LARGE1: variants seen among roughly 807,000 people sequenced by gnomAD.
LARGE1 encodes the protein LARGE xylosyl- and glucuronyltransferase 1, also known as xylosyl- and glucuronyltransferase LARGE1.
A neutral mutation model predicts 87.6 loss-of-function variants in LARGE1; 43 were observed. That is an observed-to-expected ratio of 0.49 (90% confidence interval 0.38 to 0.63). The LOEUF is 0.63. Among genes scored for constraint, LARGE1 ranks in the 30% least tolerant of loss-of-function variants. The pLI is 0.00. For synonymous variants in LARGE1, 434 were observed against 394.6 expected (o/e 1.10, Z -1.18); for missense variants, 802 against 1,000.2 (o/e 0.80, Z 2.67).
chr22:33,663,398 A>G (rs1428499487), intron 2 of LARGE1, among the ~76,000 whole-genome samples: 2 of 152,188 alleles, frequency 1.3e-5, no homozygotes, highest in Non-Finnish European at 2.9e-5. Flanking sequence ...AAGTAAGAAG[A>G]ATAAAACTAA....
chr22:33,316,465 C>G (rs186316920), intron 10 of LARGE1, among the ~76,000 whole-genome samples: 14 of 152,296 alleles, frequency 9.2e-5, no homozygotes, highest in Admixed American at 8.5e-4. Context: ...TGGGGACCGG[C>G]TGTGGTGGCT....
chr22:33,820,482 C>G (rs543651356), intron 1 of LARGE1, among the ~76,000 whole-genome samples: 1 of 151,710 alleles, frequency 6.6e-6, no homozygotes, highest in Non-Finnish European at 1.5e-5. Flanking sequence ...CCACCATGCC[C>G]GGCTAATTTT....
chr22:33,463,923 C>T (rs1306191129), intron 6 of LARGE1, among the ~76,000 whole-genome samples: 1 of 152,198 alleles, frequency 6.6e-6, no homozygotes, highest in Admixed American at 6.5e-5. Context: ...ATCTGCCCGC[C>T]TTGGCCCCCC....
At chr22:33,878,712 T>A (rs2064563538) in intron 1 of LARGE1, among the ~76,000 whole-genome samples, 1 of 152,184 alleles carries the variant, frequency 6.6e-6, no homozygotes, top group African/African-American at 2.4e-5. Flanking sequence ...CTCATTTACC[T>A]CTACCTCTGA....
intron 6 of LARGE1, among the ~76,000 whole-genome samples, chr22:33,558,543 G>A (rs1416826150): frequency 2.0e-5 from 3 of 152,116 alleles, no homozygotes; most frequent in Non-Finnish European, 2.9e-5. Flanking sequence ...GAGGTCAAGA[G>A]TGGTTCAATG....
intron 1 of LARGE1, among the ~76,000 whole-genome samples, chr22:33,876,703 T>G (rs865976383): frequency 6.6e-6 from 1 of 151,908 alleles, no homozygotes; most frequent in Non-Finnish European, 1.5e-5. Flanking sequence ...ACCTAATGCA[T>G]GCAGGGCTTA....
chr22:33,497,071 CTTTTTT>C (rs5845088), intron 6 of LARGE1, among the ~76,000 whole-genome samples: 1 of 133,960 alleles, frequency 7.5e-6, no homozygotes. Context: ...CTTTTCTTTT[CTTTTTT>C]TTTTTTTTTT....
At chr22:33,552,927 G>A (rs1265499293) in intron 6 of LARGE1, among the ~76,000 whole-genome samples, 1 of 152,114 alleles carries the variant, frequency 6.6e-6, no homozygotes, top group African/African-American at 2.4e-5. Context: ...GAATTGCGAA[G>A]TGCCTGGAAG....
intron 11 of LARGE1, among the ~76,000 whole-genome samples, chr22:33,310,340 A>G (rs917050021): frequency 1.3e-5 from 2 of 152,140 alleles, no homozygotes; most frequent in African/African-American, 4.8e-5. Flanking sequence ...TCAAAAACAC[A>G]CTAAAGAACC....
intron 1 of LARGE1, among the ~76,000 whole-genome samples, chr22:33,785,577 G>A (rs1345127250): frequency 1.3e-5 from 2 of 151,986 alleles, no homozygotes; most frequent in Admixed American, 6.6e-5. Flanking sequence ...ACAGACCTCT[G>A]ACAAGTTTAA....
At chr22:33,780,911 G>C (rs764526059) in intron 1 of LARGE1, among the ~76,000 whole-genome samples, 5 of 152,198 alleles carry the variant, frequency 3.3e-5, no homozygotes, top group Non-Finnish European at 5.9e-5. Context: ...GTAGCACATA[G>C]AGTAAACACT....
the LARGE1 span, among the ~76,000 whole-genome samples, chr22:33,145,088 C>T: frequency 4.6e-5 from 7 of 151,876 alleles, no homozygotes; most frequent in East Asian, 3.9e-4. Flanking sequence ...TGGGCCCTGA[C>T]GGGGGAGGAG....
intron 6 of LARGE1, among the ~76,000 whole-genome samples, chr22:33,531,413 C>CT (rs1464381100): frequency 2.0e-5 from 3 of 152,160 alleles, no homozygotes; most frequent in Non-Finnish European, 2.9e-5. Context: ...CCGCCTCGGC[C>CT]TCCCAAAGTG....
intron 7 of LARGE1, among the ~76,000 whole-genome samples, chr22:33,389,264 C>T (rs960785443): frequency 2.0e-5 from 3 of 152,336 alleles, no homozygotes; most frequent in East Asian, 1.9e-4. Context: ...GGAAGAGCCT[C>T]GTATCTATGC....
intron 4 of LARGE1, among the ~76,000 whole-genome samples, chr22:33,621,691 GAAAGTCTTTCA>G (rs139222225): frequency 1.7e-3 from 262 of 152,268 alleles, no homozygotes; most frequent in Admixed American, 6.8e-3. Context: ...TTTCTGAGCC[GAAAGTCTTTCA>G]AAAGTCCTTT....
intron 1 of LARGE1, among the ~76,000 whole-genome samples, chr22:33,819,411 A>T (rs1273335312): frequency 6.6e-6 from 1 of 151,956 alleles, no homozygotes. Context: ...GTCCTCTAAC[A>T]ATCTCAGGTT....
the LARGE1 span, among the ~76,000 whole-genome samples, chr22:33,069,508 C>T: frequency 6.6e-6 from 1 of 152,130 alleles, no homozygotes; most frequent in Non-Finnish European, 1.5e-5. Flanking sequence ...GCCTCATACT[C>T]ACCACATGAT....
chr22:33,466,275 G>T (rs1458030326), intron 6 of LARGE1, among the ~76,000 whole-genome samples: 1 of 151,836 alleles, frequency 6.6e-6, no homozygotes, highest in Non-Finnish European at 1.5e-5. Context: ...CCCTCTCTCC[G>T]AAGTAGCTTT....
intron 6 of LARGE1, among the ~76,000 whole-genome samples, chr22:33,541,455 C>T (rs1345931767): frequency 6.6e-6 from 1 of 152,130 alleles, no homozygotes; most frequent in Non-Finnish European, 1.5e-5. Context: ...TTAACAATAG[C>T]TGACTGTAGG....
Sources: gnomAD v4.1 joint callset for allele counts (sites outside exome capture counted in the v4.1 genomes callset) on GRCh38, gnomAD v4.1.1 for gene constraint, MANE v1.5 for transcripts, NCBI Gene and HGNC (gene_info 2026-07-23, HGNC 2026-07-21) for gene names.